PCLO: variants seen among roughly 807,000 people sequenced by gnomAD.
PCLO encodes the protein piccolo presynaptic cytomatrix protein.
Under a neutral mutation model 427.5 loss-of-function variants are expected in PCLO, and 82 were observed. That is an observed-to-expected ratio of 0.19 (90% confidence interval 0.16 to 0.23). The LOEUF (loss-of-function observed/expected upper bound fraction) is 0.23. Ranked by LOEUF, PCLO falls within the 10% of genes least tolerant of loss-of-function variation. The pLI is 1.00. For missense variants in PCLO, 6,239 were observed against 6,115.9 expected (o/e 1.02, Z -0.67); for synonymous variants, 2,357 against 2,155.4 (o/e 1.09, Z -2.59).
At chr7:83,056,960 T>C (rs1038209092) in intron 3 of PCLO, among the ~76,000 whole-genome samples, 1 of 152,070 alleles carries the variant, frequency 6.6e-6, no homozygotes, top group Admixed American at 6.6e-5. Flanking sequence ...TCATCTAACA[T>C]GTGCTCTAAA....
intron 3 of PCLO, among the ~76,000 whole-genome samples, chr7:83,110,240 T>C (rs1043954379): frequency 6.6e-6 from 1 of 151,980 alleles, no homozygotes. Context: ...ATCTACAGAA[T>C]AATTTGTATA....
chr7:82,980,491 G>C (rs900482134), intron 3 of PCLO, among the ~76,000 whole-genome samples: 2 of 152,146 alleles, frequency 1.3e-5, no homozygotes, highest in African/African-American at 4.8e-5. Flanking sequence ...ATCTTGGAAA[G>C]AATATGATAA....
At position 82,879,416 on chromosome 7, in the gene PCLO, T is replaced by C; in HGVS notation, c.13575A>G (p.Gly4525=). The C allele has an allele frequency of 6.2e-7, 1 of 1,608,980 alleles. No individual in the cohort carries two copies. The highest frequency in any genetic ancestry group is 8.5e-7 in the Non-Finnish European group (1 of 1,176,156). Residue 4525 remains glycine, a synonymous_variant, in exon 10 of 25, where the codon GGA becomes GGG. Transcript: ENST00000333891. Reference sequence around the variant, plus strand: ...TATAGGCTCCAATTTCTCCACTATGTCCCGGGATTTCTTTACCACCCACAA... The same window carrying C: ...TATAGGCTCCAATTTCTCCACTATGCCCCGGGATTTCTTTACCACCCACAA... ...IRIVGGKEIP[G]HSGEIGAYIA... is the part of the protein sequence containing the mutation.
chr7:82,822,521 G>A lies in PCLO; in HGVS notation c.14765C>T (p.Ala4922Val). The part of the protein sequence containing the change: ...AGAAIAAAEA[A>V]VQQLRIQPTK... Reference sequence around the variant, plus strand: ...TGGTTGAATGCGGAGTTGTTGCACGGCAGCTTCGGCAGCAGCTATGGCAGC... The same window carrying A: ...TGGTTGAATGCGGAGTTGTTGCACGACAGCTTCGGCAGCAGCTATGGCAGC... Residue 4922 changes from alanine (A) to valine (V), a missense_variant, in exon 20 of 25, where the codon GCC (alanine) becomes GTC (valine). Physicochemically the swap from Ala to Val is moderately conservative, Grantham distance 64 (BLOSUM62 0). Transcript: ENST00000333891. 1 of 1,613,836 alleles carries A rather than the reference G, an allele frequency of 6.2e-7. No homozygotes were observed. The highest frequency in any genetic ancestry group is 8.5e-7 in the Non-Finnish European group (1 of 1,179,846).
chr7:82,951,196 G>A lies in PCLO; in HGVS notation c.9392C>T (p.Pro3131Leu). 6.2e-7 allele frequency: 1 copy of A among 1,613,714 alleles called. No homozygotes were observed. Among genetic ancestry groups the A allele is most frequent in the Non-Finnish European group, 8.5e-7 (1 of 1,179,752 alleles). Residue 3131 changes from proline to leucine, a missense_variant, in exon 6 of 25, where the codon CCT (proline) becomes CTT (leucine). Physicochemically the swap from Pro to Leu is moderately conservative, Grantham distance 98. Transcript: ENST00000333891. ...IHTADAVTSLPAMHHSQPMPR... is the reference protein window; with the variant it reads ...IHTADAVTSLLAMHHSQPMPR... Reference sequence around the variant, plus strand: ...CATTGGCTGGCTATGGTGCATGGCAGGTAATGAAGTCACTGCATCAGCCGT... The same window carrying A: ...CATTGGCTGGCTATGGTGCATGGCAAGTAATGAAGTCACTGCATCAGCCGT...
intron 15 of PCLO, among the ~76,000 whole-genome samples, chr7:82,837,116 C>G (rs1792250314): frequency 6.6e-6 from 1 of 151,890 alleles, no homozygotes; most frequent in African/African-American, 2.4e-5. Flanking sequence ...GGTATTAAGG[C>G]TATTTTTAAA....
intron 22 of PCLO, among the ~76,000 whole-genome samples, chr7:82,785,666 A>T (rs373368129): frequency 3.9e-5 from 6 of 152,208 alleles, no homozygotes; most frequent in South Asian, 2.1e-4. Flanking sequence ...AGCCAGATGG[A>T]GAGCGCCCAC....
chr7:83,083,028 C>G (rs1037157306), intron 3 of PCLO, among the ~76,000 whole-genome samples: 3 of 151,304 alleles, frequency 2.0e-5, no homozygotes, highest in African/African-American at 7.3e-5. Flanking sequence ...CAAAAACTTA[C>G]TTAATAATGA....
rs190883406 is a variant in PCLO, at chr7:82,880,064, T to G, written c.13529-602A>C. The stretch of plus-strand genomic sequence containing the variant: ...TCTTACTTTGCAGTACAGGTTCTTC[T>G]GGAATTAGCCACATGAAAAGACCAG... On this transcript the variant is annotated intron_variant, in intron 9 of 24. Transcript: ENST00000333891. 4.5e-3 allele frequency among the ~76,000 whole-genome samples: 684 copies of G among 152,288 alleles called. 9 individuals are homozygous for G. Among genetic ancestry groups the G allele is most frequent in the Admixed American group, 0.041 (626 of 15,284 alleles).
intron 3 of PCLO, among the ~76,000 whole-genome samples, chr7:83,089,219 T>A (rs536918264): frequency 5.0e-4 from 76 of 152,290 alleles, no homozygotes; most frequent in African/African-American, 1.8e-3. Flanking sequence ...ATTATTTTTA[T>A]TTTGTATTAC....
intron 3 of PCLO, among the ~76,000 whole-genome samples, chr7:83,066,116 G>T (rs777722151): frequency 6.6e-6 from 1 of 152,084 alleles, no homozygotes; most frequent in Non-Finnish European, 1.5e-5. Flanking sequence ...CAATGCTCTA[G>T]TTCTTACATA....
At chr7:83,064,152 C>T (rs1026890436) in intron 3 of PCLO, among the ~76,000 whole-genome samples, 2 of 151,744 alleles carry the variant, frequency 1.3e-5, no homozygotes, top group African/African-American at 4.8e-5. Flanking sequence ...GATAAAGATA[C>T]AAATTATGGG....
chr7:82,922,897 T>C (rs750141265), intron 6 of PCLO, among the ~76,000 whole-genome samples: 92 of 152,024 alleles, frequency 6.1e-4, no homozygotes, highest in Non-Finnish European at 1.2e-3. Context: ...CCATACCTAC[T>C]GTCAGAAATA....
intron 6 of PCLO, among the ~76,000 whole-genome samples, chr7:82,943,916 G>A (rs1795141368): frequency 6.6e-6 from 1 of 151,944 alleles, no homozygotes; most frequent in Non-Finnish European, 1.5e-5. Context: ...CCAGCACTCT[G>A]GGAGGCCGAG....
chr7:82,865,907 G>C (rs1429429882), intron 10 of PCLO, among the ~76,000 whole-genome samples: 3 of 152,092 alleles, frequency 2.0e-5, no homozygotes, highest in East Asian at 1.9e-4. Flanking sequence ...AGCAGTAAGA[G>C]TGATCCTATT....
At chr7:83,086,709 G>C (rs1562956995) in intron 3 of PCLO, among the ~76,000 whole-genome samples, 1 of 151,876 alleles carries the variant, frequency 6.6e-6, no homozygotes. Context: ...TCCTTTGATT[G>C]AATAATTCTG....
Position 82,792,525 on chromosome 7 carries a change from G to A in PCLO, c.15007+8993C>T, listed in dbSNP as rs544445264. On this transcript the variant is annotated intron_variant, in intron 22 of 24. Coordinates refer to ENST00000333891, the MANE Select transcript of PCLO (RefSeq NM_033026.6). ...GTATTTTTTTTAGAGATGGGGTTTTGTCATGTTGCCTAGGCTTCTCTTGAA... is the reference window on the plus strand; with the variant it reads ...GTATTTTTTTTAGAGATGGGGTTTTATCATGTTGCCTAGGCTTCTCTTGAA... Among the ~76,000 whole-genome samples, 3 of 151,788 alleles carry A rather than the reference G, an allele frequency of 2.0e-5. No homozygotes were observed. In the South Asian group the frequency reaches 6.2e-4, roughly 32 times the overall value.
chr7:82,789,476 C>T (rs976355723), intron 22 of PCLO, among the ~76,000 whole-genome samples: 12 of 152,186 alleles, frequency 7.9e-5, no homozygotes, highest in South Asian at 4.1e-4. Context: ...GAGACTGAGG[C>T]GGGTGGATCA....
intron 3 of PCLO, among the ~76,000 whole-genome samples, chr7:82,970,282 C>A (rs535468449): frequency 7.2e-5 from 11 of 152,032 alleles, no homozygotes; most frequent in African/African-American, 2.6e-4. Flanking sequence ...CACTTATTGC[C>A]ATAACTAGAC....
Sources: gnomAD v4.1 joint callset for allele counts (sites outside exome capture counted in the v4.1 genomes callset) on GRCh38, gnomAD v4.1.1 for gene constraint, MANE v1.5 for transcripts, NCBI Gene and HGNC (gene_info 2026-07-23, HGNC 2026-07-21) for gene names.